The following DIS3L2 variants were observed in gnomAD, a reference collection of about 807,000 sequenced individuals.
DIS3L2 encodes DIS3 like 3'-5' exoribonuclease 2, also known as DIS3-like exonuclease 2.
A neutral mutation model predicts 97.5 loss-of-function variants in DIS3L2; 34 were observed. The observed-to-expected ratio is 0.35, with a 90% CI of 0.27 to 0.46. The LOEUF (loss-of-function observed/expected upper bound fraction) is 0.46. Ranked by LOEUF, DIS3L2 falls within the 20% of genes least tolerant of loss-of-function variation. The probability of loss-of-function intolerance (pLI) is 1.00; values close to 1 mark genes in which losing one functional copy is unlikely to be tolerated. For synonymous variants in DIS3L2, 435 were observed against 445.2 expected (o/e 0.98, Z 0.29); for missense variants, 1,038 against 1,146.0 (o/e 0.91, Z 1.36).
At chr2:232,319,612 G>C (rs1001757461) in intron 14 of DIS3L2, among the ~76,000 whole-genome samples, 4 of 152,208 alleles carry the variant, frequency 2.6e-5, no homozygotes, top group African/African-American at 9.7e-5. Flanking sequence ...TCTCACCCAG[G>C]GGAGGCCTGA....
At chr2:232,258,078 A>G (rs912043292) in intron 12 of DIS3L2, among the ~76,000 whole-genome samples, 4 of 152,192 alleles carry the variant, frequency 2.6e-5, no homozygotes, top group African/African-American at 4.8e-5. Flanking sequence ...GTGTTAGACT[A>G]CTTCCGGTCT....
intron 1 of DIS3L2, among the ~76,000 whole-genome samples, chr2:232,000,120 T>C (rs1360512431): frequency 6.6e-6 from 1 of 152,210 alleles, no homozygotes; most frequent in Non-Finnish European, 1.5e-5. Flanking sequence ...TTCTACAGAC[T>C]TTAAATCCTC....
chr2:231,999,468 T>G (rs1693820203), intron 1 of DIS3L2, among the ~76,000 whole-genome samples: 2 of 152,240 alleles, frequency 1.3e-5, no homozygotes, highest in Admixed American at 6.5e-5. Flanking sequence ...CTATTTATTA[T>G]AAACCATTGA....
chr2:232,204,924 C>G (rs1364800488), intron 9 of DIS3L2, among the ~76,000 whole-genome samples: 3 of 152,098 alleles, frequency 2.0e-5, no homozygotes, highest in African/African-American at 2.4e-5. Flanking sequence ...ATCACTGGCT[C>G]TCAGCACTGA....
intron 5 of DIS3L2, among the ~76,000 whole-genome samples, chr2:232,079,192 A>G (rs1266788774): frequency 6.6e-6 from 1 of 152,244 alleles, no homozygotes; most frequent in Admixed American, 6.5e-5. Flanking sequence ...AGAATACAGC[A>G]GTGAATAGAA....
chr2:232,249,143 C>A, intron 11 of DIS3L2, 96 bp from the exon 12 acceptor site: 1 of 1,184,432 alleles, frequency 8.4e-7, no homozygotes, highest in South Asian at 1.3e-5. Flanking sequence ...TCAGCTTGCT[C>A]TGGAAAAGCT....
At chr2:232,076,442 A>G (rs1696190019) in intron 5 of DIS3L2, among the ~76,000 whole-genome samples, 1 of 152,060 alleles carries the variant, frequency 6.6e-6, no homozygotes, top group Non-Finnish European at 1.5e-5. Flanking sequence ...AGCATTTGGT[A>G]TTATCAGAAT....
At chr2:231,988,607 G>A (rs1693487260) in intron 1 of DIS3L2, among the ~76,000 whole-genome samples, 1 of 152,170 alleles carries the variant, frequency 6.6e-6, no homozygotes, top group South Asian at 2.1e-4. Context: ...TCATCTTACA[G>A]GAGTGTTCTC....
At chr2:232,168,785 G>C (rs1690898720) in intron 9 of DIS3L2, among the ~76,000 whole-genome samples, 1 of 152,178 alleles carries the variant, frequency 6.6e-6, no homozygotes, top group Non-Finnish European at 1.5e-5. Context: ...AGCCATAAGT[G>C]TGTGGAATGA....
intron 11 of DIS3L2, among the ~76,000 whole-genome samples, chr2:232,246,499 G>A (rs1202570896): frequency 6.6e-6 from 1 of 152,216 alleles, no homozygotes; most frequent in Non-Finnish European, 1.5e-5. Flanking sequence ...CTTGGATACC[G>A]TGGGCTGGCC....
chr2:232,077,943 TTTTCTTTCTTTCTCTTTC>T (rs1280416405), intron 5 of DIS3L2, among the ~76,000 whole-genome samples: 9 of 148,986 alleles, frequency 6.0e-5, no homozygotes, highest in South Asian at 2.2e-4. Flanking sequence ...CTTTCTTTCT[TTTTCTTTCTTTCTCTTTC>T]TTTCTTTCTT....
At chr2:232,142,872 G>T (rs933570426) in intron 8 of DIS3L2, among the ~76,000 whole-genome samples, 2 of 152,174 alleles carry the variant, frequency 1.3e-5, no homozygotes, top group African/African-American at 4.8e-5. Context: ...ATGTTTGATT[G>T]TTCCCCACTT....
At chr2:232,079,393 A>G (rs1031774968) in intron 5 of DIS3L2, among the ~76,000 whole-genome samples, 3 of 151,878 alleles carry the variant, frequency 2.0e-5, no homozygotes, top group African/African-American at 4.8e-5. Context: ...TCACCAGATC[A>G]AGACTATCCT....
intron 9 of DIS3L2, 40 bp downstream of exon 9, chr2:232,163,672 T>C (rs1220995879): frequency 6.3e-7 from 1 of 1,591,496 alleles, no homozygotes; most frequent in Admixed American, 1.7e-5. Flanking sequence ...TATCTCCCTT[T>C]CTGCCTTAAC....
At position 232,335,814 on chromosome 2, in the gene DIS3L2, G is replaced by A. The variant is rs878855225; in HGVS notation, c.2436G>A (p.Lys812=). The part of the protein sequence containing the change: ...LRSHHFQKVG[K]KPELTLVWEP... ...CCCACCACTTCCAGAAGGTGGGCAA[G>A]AAGCCGGAACTCACGCTGGTCTGGG... The change falls in exon 20 of 21, where the codon AAG becomes AAA. Residue 812 remains lysine, a synonymous_variant. Transcript: ENST00000325385. 1.3e-6 allele frequency: 2 copies of A among 1,550,866 alleles called. No homozygotes were observed. The highest frequency in any genetic ancestry group is 8.7e-7 in the Non-Finnish European group (1 of 1,147,034).
chr2:232,072,524 C>T (rs1021570579), intron 5 of DIS3L2, among the ~76,000 whole-genome samples: 2 of 152,102 alleles, frequency 1.3e-5, no homozygotes, highest in Non-Finnish European at 2.9e-5. Context: ...AGAGCCTTTA[C>T]ATCATAGGTA....
At chr2:232,017,829 C>G (rs764368543) in intron 3 of DIS3L2, among the ~76,000 whole-genome samples, 1 of 152,174 alleles carries the variant, frequency 6.6e-6, no homozygotes, top group Non-Finnish European at 1.5e-5. Context: ...TTTTAATTCT[C>G]CAAGTAGAGT....
chr2:232,036,015 C>T lies in DIS3L2; in HGVS notation c.366+5935C>T, dbSNP rs115261981. Among the ~76,000 whole-genome samples, 437 of 152,216 alleles carry T rather than the reference C, an allele frequency of 2.9e-3. 1 individual carries two copies. Among genetic ancestry groups the T allele is most frequent in the Non-Finnish European group, 4.7e-3 (317 of 68,002 alleles). On this transcript the variant is annotated intron_variant, in intron 5 of 20. Transcript: ENST00000325385. ...ATATGTGTCTTGGGGTTGCCTTTCT[C>T]GAGGAGTATCTTTATGATGTTCTCT...
chr2:232,103,168 G>A (rs530095461), intron 6 of DIS3L2, among the ~76,000 whole-genome samples: 15 of 152,074 alleles, frequency 9.9e-5, no homozygotes, highest in Non-Finnish European at 2.1e-4. Flanking sequence ...TAATAATTTT[G>A]TAGTTGGTTG....
Sources: gnomAD v4.1 joint callset for allele counts (sites outside exome capture counted in the v4.1 genomes callset) on GRCh38, gnomAD v4.1.1 for gene constraint, MANE v1.5 for transcripts, NCBI Gene and HGNC (gene_info 2026-07-23, HGNC 2026-07-21) for gene names.